Variants in ZNF331 observed in about 807,000 individuals in gnomAD.
ZNF331 encodes the protein zinc finger protein 331, also known as C2H2-like zinc finger protein rearranged in thyroid adenomas.
A neutral mutation model predicts 7.0 loss-of-function variants in ZNF331; 2 were observed. The ratio of observed to expected loss-of-function variants is 0.29; its 90% CI spans 0.12 to 0.90. The LOEUF (loss-of-function observed/expected upper bound fraction) is 0.90. Among genes scored for constraint, ZNF331 ranks in the 40% least tolerant of loss-of-function variants. The probability of loss-of-function intolerance (pLI) is 0.58; values close to 1 mark genes in which losing one functional copy is unlikely to be tolerated. For synonymous variants in ZNF331, 196 were observed against 205.4 expected (o/e 0.95, Z 0.39); for missense variants, 432 against 587.7 (o/e 0.74, Z 2.74).
chr19:53,572,273 G>A (rs2090479973), intron 5 of ZNF331, among the ~76,000 whole-genome samples: 1 of 152,066 alleles, frequency 6.6e-6, no homozygotes, highest in Admixed American at 6.6e-5. Flanking sequence ...AACATTGAAT[G>A]ACAATATCTT....
chr19:53,542,511 A>G (rs2088247223), intron 2 of ZNF331, among the ~76,000 whole-genome samples: 1 of 152,198 alleles, frequency 6.6e-6, no homozygotes, highest in African/African-American at 2.4e-5. Context: ...AAAGAATTAG[A>G]TGACAGTATC....
intron 3 of ZNF331, among the ~76,000 whole-genome samples, chr19:53,567,735 C>T (rs894662364): frequency 4.0e-5 from 6 of 151,602 alleles, no homozygotes; most frequent in Non-Finnish European, 7.4e-5. Flanking sequence ...CCCACCTACT[C>T]GGGAGGCTGA....
intron 2 of ZNF331, chr19:53,554,647 C>T (rs1484249271): frequency 6.6e-6 from 1 of 152,310 alleles, no homozygotes; most frequent in Non-Finnish European, 1.5e-5. Context: ...GCTCGGTGCG[C>T]TTCTGCACCG....
rs532475448 is a variant in ZNF331, at chr19:53,533,061, G to T, written c.-204-6155G>T. 3.1e-4 allele frequency among the ~76,000 whole-genome samples: 45 copies of T among 143,894 alleles called. 1 individual carries two copies. The highest frequency in any genetic ancestry group is 1.0e-3 in the African/African-American group (42 of 40,686). The allele number at this position is 143,894 out of a possible 152,430, so 94.4% of individuals were successfully genotyped here. On this transcript the variant is annotated intron_variant, in intron 2 of 6. Transcript: ENST00000253144. ...CCTTTCATTACTATGAGTGTCATTT[G>T]TTCTTTTTCGAGTTCCTTGAGAAGT...
chr19:53,509,836 A>G, the ZNF331 span, among the ~76,000 whole-genome samples: 1 of 152,206 alleles, frequency 6.6e-6, no homozygotes, highest in Non-Finnish European at 1.5e-5. Flanking sequence ...ACTTAACTGA[A>G]TCACAGTTCC....
At chr19:53,575,891 C>T (rs2090698183) in intron 5 of ZNF331, among the ~76,000 whole-genome samples, 5 of 151,928 alleles carry the variant, frequency 3.3e-5, no homozygotes, top group Admixed American at 3.3e-4. Context: ...ACCGTGTTGG[C>T]CAGGCTGGTC....
At chr19:53,575,674 G>A (rs897383067) in intron 5 of ZNF331, among the ~76,000 whole-genome samples, 3 of 149,388 alleles carry the variant, frequency 2.0e-5, no homozygotes, top group African/African-American at 4.9e-5. Flanking sequence ...GGGTTTGTTT[G>A]TTTTTGTTTT....
At chr19:53,519,257 C>T (rs979317710), upstream of ZNF331, among the ~76,000 whole-genome samples, 2 of 152,158 alleles carry the variant, frequency 1.3e-5, no homozygotes, top group Non-Finnish European at 2.9e-5. Flanking sequence ...CAATGATTCT[C>T]TCCCAACAAC....
At chr19:53,527,665 A>C (rs918248665) in intron 2 of ZNF331, among the ~76,000 whole-genome samples, 1 of 152,338 alleles carries the variant, frequency 6.6e-6, no homozygotes, top group East Asian at 1.9e-4. Flanking sequence ...GATCATGTAG[A>C]TGAGTTAAAG....
At chr19:53,556,941 G>A (rs542102056) in intron 3 of ZNF331, among the ~76,000 whole-genome samples, 34 of 149,266 alleles carry the variant, frequency 2.3e-4, no homozygotes, top group Admixed American at 1.3e-3. Context: ...GAGTAGCTGG[G>A]ACTACAGGTG....
At chr19:53,514,645 C>A (rs37398), upstream of ZNF331, among the ~76,000 whole-genome samples, 25,667 of 140,018 alleles carry the variant, frequency 0.18, 2,658 homozygotes, top group African/African-American at 0.31. Context: ...TTTATTGAAG[C>A]CTTCTCCTTT....
chr19:53,544,313 A>C (rs1052279940), intron 2 of ZNF331, among the ~76,000 whole-genome samples: 23 of 151,778 alleles, frequency 1.5e-4, no homozygotes, highest in Admixed American at 2.0e-4. Context: ...TGGGAGGCCA[A>C]GGTGGGCGGA....
At chr19:53,531,968 C>T (rs971517401) in intron 2 of ZNF331, among the ~76,000 whole-genome samples, 3 of 152,108 alleles carry the variant, frequency 2.0e-5, no homozygotes, top group Non-Finnish European at 2.9e-5. Context: ...ATTAAAATGA[C>T]ATCCTTTATT....
At position 53,539,123 on chromosome 19, in the gene ZNF331, G is replaced by A. The variant is rs2087951088; in HGVS notation, c.-204-93G>A. On this transcript the variant is annotated intron_variant, in intron 1 of 5. Transcript: ENST00000449416. The surrounding 1 kb of genome is among the most constrained non-coding windows in gnomAD (Gnocchi z 6.1). ...TCAATCGCCACAGCGTGCTCTTCAG[G>A]AATCTCCCAGAAACTCCATCTCGGG... 6.6e-6 allele frequency: 1 copy of A among 152,090 alleles called. No homozygotes were observed. Among genetic ancestry groups the A allele is most frequent in the South Asian group, 2.1e-4 (1 of 4,800 alleles). The allele number at this position is 152,090 out of a possible 1,614,324, so 9.4% of individuals were successfully genotyped here. A position where few individuals can be genotyped will look rare whatever the true frequency, so the allele number is the denominator to read the frequency against.
Position 53,578,668 on chromosome 19 carries a change from C to T in ZNF331, c.*716C>T. Reference sequence around the variant, plus strand: ...TGTCCACTGCGGGTCTTCAAACGTACCCCCCTCAGGTGAGAGGGGACTGCT... The same window carrying T: ...TGTCCACTGCGGGTCTTCAAACGTATCCCCCTCAGGTGAGAGGGGACTGCT... On this transcript the variant is annotated 3_prime_UTR_variant, in exon 6 of 6. Transcript: ENST00000449416. 9.7e-6 allele frequency: 2 copies of T among 205,260 alleles called. No individual in the cohort carries two copies. The highest frequency in any genetic ancestry group is 2.0e-5 in the Non-Finnish European group (2 of 100,480). The allele number at this position is 205,260 out of a possible 1,614,324, so 12.7% of individuals were successfully genotyped here. A position where few individuals can be genotyped will look rare whatever the true frequency, so the allele number is the denominator to read the frequency against.
the ZNF331 span, among the ~76,000 whole-genome samples, chr19:53,511,654 G>T: frequency 4.6e-5 from 7 of 152,168 alleles, no homozygotes; most frequent in African/African-American, 1.4e-4. Flanking sequence ...TGCGTCTCAG[G>T]TTTGTGGGTC....
intron 2 of ZNF331, among the ~76,000 whole-genome samples, chr19:53,528,317 T>A (rs565389761): frequency 6.6e-6 from 1 of 152,044 alleles, no homozygotes; most frequent in Non-Finnish European, 1.5e-5. Flanking sequence ...GATAGCTGAT[T>A]GAGAAGCACA....
intron 2 of ZNF331, among the ~76,000 whole-genome samples, chr19:53,543,020 G>A (rs984250072): frequency 6.6e-5 from 10 of 152,090 alleles, no homozygotes; most frequent in African/African-American, 2.4e-4. Flanking sequence ...TGTTGGTCAG[G>A]CTGGTCTTGA....
intron 2 of ZNF331, among the ~76,000 whole-genome samples, chr19:53,527,579 G>C (rs1315404828): frequency 6.6e-6 from 1 of 152,158 alleles, no homozygotes; most frequent in Non-Finnish European, 1.5e-5. Context: ...TTTGTTAACA[G>C]GTATGTGTCC....
Sources: gnomAD v4.1 joint callset for allele counts (sites outside exome capture counted in the v4.1 genomes callset) on GRCh38, gnomAD v4.1.1 for gene constraint, Gnocchi (gnomAD v3.1) non-coding constraint, MANE v1.5 for transcripts, NCBI Gene and HGNC (gene_info 2026-07-23, HGNC 2026-07-21) for gene names.